EIF4G3: variants seen among roughly 807,000 people sequenced by gnomAD.
The protein encoded by EIF4G3 is eIF-4-gamma 3.
EIF4G3 carries 34 observed loss-of-function variants against 186.4 expected under a neutral mutation model. The ratio of observed to expected loss-of-function variants is 0.18; its 90% confidence interval spans 0.14 to 0.24. The LOEUF (loss-of-function observed/expected upper bound fraction) is 0.24, where lower values mean the gene tolerates loss of function less well. Ranked by LOEUF, EIF4G3 falls within the 10% of genes least tolerant of loss-of-function variation. The pLI is 1.00. For synonymous variants in EIF4G3, 673 were observed against 679.5 expected (o/e 0.99, Z 0.15); for missense variants, 1,536 against 1,948.5 (o/e 0.79, Z 3.99).
chr1:21,164,680 T>C (rs1360257494), intron 2 of EIF4G3, among the ~76,000 whole-genome samples: 1 of 152,080 alleles, frequency 6.6e-6, no homozygotes, highest in Non-Finnish European at 1.5e-5. Context: ...GGCAACATGG[T>C]GAAATCCCGT....
At chr1:21,076,347 C>G (rs2095586851) in intron 3 of EIF4G3, among the ~76,000 whole-genome samples, 1 of 151,900 alleles carries the variant, frequency 6.6e-6, no homozygotes, top group Non-Finnish European at 1.5e-5. Context: ...ACAGCAAAAG[C>G]AGTAGTAAAA....
intron 12 of EIF4G3, among the ~76,000 whole-genome samples, chr1:20,950,491 T>C (rs987314085): frequency 2.0e-5 from 3 of 152,080 alleles, no homozygotes; most frequent in Non-Finnish European, 4.4e-5. Flanking sequence ...CAAGAAGGAT[T>C]TGGTCAACTT....
chr1:20,877,041 G>A (rs1186293895), intron 20 of EIF4G3, among the ~76,000 whole-genome samples: 1 of 152,132 alleles, frequency 6.6e-6, no homozygotes, highest in Non-Finnish European at 1.5e-5. Flanking sequence ...TAAGTGGGTG[G>A]CTTGTCTATA....
At chr1:20,868,090 CTT>C (rs66560662) in intron 20 of EIF4G3, among the ~76,000 whole-genome samples, 17 of 90,414 alleles carry the variant, frequency 1.9e-4, no homozygotes, top group Middle Eastern at 0.015. Context: ...TGGTGATTTT[CTT>C]TTTTTTTTTT....
At chr1:20,807,562 T>C in intron 36 of EIF4G3, 62 bp from the exon 37 acceptor site, 1 of 1,346,410 alleles carries the variant, frequency 7.4e-7, no homozygotes, top group Non-Finnish European at 9.9e-7. Context: ...GAAAAGAATA[T>C]ATTTCAAAAT....
chr1:20,855,080 T>C lies in EIF4G3; in HGVS notation c.3340-9A>G, dbSNP rs1177895550. On this transcript the variant is annotated splice_polypyrimidine_tract_variant and intron_variant, in intron 25 of 36. Coordinates refer to ENST00000602326, the MANE Select transcript of EIF4G3 (RefSeq NM_001391906.1). The stretch of plus-strand genomic sequence containing the variant: ...TTTTCATCAATTGTAGGCTGTAACA[T>C]AAGGGACCACAAGTCAATTATAGGA... 6 of 1,587,708 alleles carry C rather than the reference T, an allele frequency of 3.8e-6. No individual in the cohort carries two copies. Among genetic ancestry groups the C allele is most frequent in the Non-Finnish European group, 5.2e-6 (6 of 1,159,722 alleles).
chr1:20,899,210 T>C (rs1046317300), intron 16 of EIF4G3, among the ~76,000 whole-genome samples: 3 of 152,216 alleles, frequency 2.0e-5, no homozygotes. Flanking sequence ...ATCATATATA[T>C]TCCTTATTTA....
At chr1:21,000,773 G>A (rs1270136557) in intron 6 of EIF4G3, among the ~76,000 whole-genome samples, 1 of 151,166 alleles carries the variant, frequency 6.6e-6, no homozygotes, top group Non-Finnish European at 1.5e-5. Flanking sequence ...CACTAGCAGA[G>A]CAGATGGCAA....
At chr1:20,893,397 CTCTTCT>C in intron 18 of EIF4G3, 114 bp downstream of exon 18, 3 of 1,086,270 alleles carry the variant, frequency 2.8e-6, no homozygotes, top group East Asian at 2.6e-5. Context: ...TAGTCTTTGC[CTCTTCT>C]TCTTCTTCTT....
intron 2 of EIF4G3, among the ~76,000 whole-genome samples, chr1:21,112,609 T>C (rs1277361619): frequency 6.6e-6 from 1 of 152,154 alleles, no homozygotes; most frequent in Non-Finnish European, 1.5e-5. Context: ...CTTTATTTGG[T>C]TTTTCTGAGG....
intron 12 of EIF4G3, among the ~76,000 whole-genome samples, chr1:20,959,660 A>G (rs1041840652): frequency 5.8e-4 from 31 of 53,692 alleles, no homozygotes; most frequent in African/African-American, 2.5e-3. Flanking sequence ...ATCAGCAATA[A>G]TAATAATAAT....
At chr1:21,175,181 A>C (rs1018991445) in intron 2 of EIF4G3, 2 of 152,316 alleles carry the variant, frequency 1.3e-5, no homozygotes, top group South Asian at 4.1e-4. Flanking sequence ...GTGATGCATG[A>C]TGAAATGTTA....
chr1:21,045,736 G>A (rs1463025204), intron 4 of EIF4G3, among the ~76,000 whole-genome samples: 2 of 151,788 alleles, frequency 1.3e-5, no homozygotes, highest in African/African-American at 4.8e-5. Context: ...GCAATAAGTA[G>A]GAGTCTCTTT....
intron 20 of EIF4G3, among the ~76,000 whole-genome samples, chr1:20,868,744 T>C (rs1489020163): frequency 6.6e-6 from 1 of 152,194 alleles, no homozygotes; most frequent in Non-Finnish European, 1.5e-5. Context: ...ACGGGTTTCT[T>C]TTTCTCAGGG....
At chr1:20,830,229 C>G (rs2064758158) in intron 30 of EIF4G3, among the ~76,000 whole-genome samples, 1 of 152,120 alleles carries the variant, frequency 6.6e-6, no homozygotes, top group Non-Finnish European at 1.5e-5. Context: ...AAGTATGCCA[C>G]CCTTTTTTCA....
chr1:20,877,659 G>A (rs938798957), intron 20 of EIF4G3, among the ~76,000 whole-genome samples: 6 of 151,978 alleles, frequency 3.9e-5, no homozygotes, highest in African/African-American at 1.2e-4. Context: ...GCTTACTACA[G>A]GCCAAACACT....
intron 4 of EIF4G3, among the ~76,000 whole-genome samples, chr1:21,020,838 A>T (rs187108194): frequency 6.6e-6 from 1 of 152,372 alleles, no homozygotes; most frequent in East Asian, 1.9e-4. Flanking sequence ...AGAAACTTTT[A>T]AAATCAATTA....
intron 4 of EIF4G3, among the ~76,000 whole-genome samples, chr1:21,038,073 C>G (rs1464312944): frequency 1.3e-5 from 2 of 152,182 alleles, no homozygotes; most frequent in Non-Finnish European, 1.5e-5. Flanking sequence ...CTACTGAAAT[C>G]ATCACCATTT....
At chr1:20,841,172 G>T in intron 29 of EIF4G3, 144 bp from the exon 30 acceptor site, 1 of 762,254 alleles carries the variant, frequency 1.3e-6, no homozygotes, top group East Asian at 2.8e-5. Context: ...GTTTATATTT[G>T]TTTAACATAA....
Sources: allele counts gnomAD v4.1 joint callset (sites outside exome capture counted in the v4.1 genomes callset), GRCh38; gene constraint gnomAD v4.1.1; transcripts MANE v1.5; gene names NCBI Gene and HGNC (gene_info 2026-07-23, HGNC 2026-07-21).